Variants in VPS41 observed in about 807,000 individuals in gnomAD.
VPS41 encodes the protein VPS41 subunit of HOPS complex.
VPS41 carries 85 observed loss-of-function variants against 130.9 expected under a neutral mutation model. The observed-to-expected ratio is 0.65, with a 90% CI of 0.55 to 0.78. VPS41 has a LOEUF of 0.78. Ranked by LOEUF, VPS41 falls within the 30% of genes least tolerant of loss-of-function variation. The probability of loss-of-function intolerance (pLI) is 0.00; values close to 1 mark genes in which losing one functional copy is unlikely to be tolerated. For missense variants in VPS41, 874 were observed against 1,018.7 expected (o/e 0.86, Z 1.93); for synonymous variants, 335 against 332.9 (o/e 1.01, Z -0.07).
rs181769085 is a variant in VPS41 at position 38,774,248 on chromosome 7, G to T, written c.883-4C>A. ...GCCTGGCACAGTATTCTCTTTCCTAGTGGGGGAAAAGAGAGAAACATTAAT... is the reference window on the plus strand; with the variant it reads ...GCCTGGCACAGTATTCTCTTTCCTATTGGGGGAAAAGAGAGAAACATTAAT... On this transcript the variant is annotated splice_region_variant and splice_polypyrimidine_tract_variant and intron_variant, in intron 11 of 28. Coordinates refer to ENST00000310301, the MANE Select transcript of VPS41 (RefSeq NM_014396.4). The T allele has an allele frequency of 2.4e-5, 38 of 1,566,828 alleles. No homozygotes were observed. Among genetic ancestry groups the T allele is most frequent in the Admixed American group, 1.7e-4 (9 of 54,500 alleles).
Position 38,827,079 on chromosome 7 carries a change from A to G in VPS41, c.321+3175T>C, listed in dbSNP as rs147730721. Among the ~76,000 whole-genome samples, 124 of 152,278 alleles carry G rather than the reference A, an allele frequency of 8.1e-4. 1 individual carries two copies. The highest frequency in any genetic ancestry group is 2.8e-3 in the African/African-American group (117 of 41,558). On this transcript the variant is annotated intron_variant, in intron 5 of 28. Transcript: ENST00000310301. ...GTGATCTGCCCGCTTCGGCCTCCCA[A>G]AGTGCTGGGATTACAGGCGTGAGCC...
chr7:38,877,462 G>C (rs1451863263), intron 2 of VPS41, among the ~76,000 whole-genome samples: 1 of 152,118 alleles, frequency 6.6e-6, no homozygotes, highest in Non-Finnish European at 1.5e-5. Context: ...TCTAGCAGTA[G>C]AAGCAAATAG....
chr7:38,906,558 C>T (rs961133378), intron 1 of VPS41, among the ~76,000 whole-genome samples: 3 of 152,090 alleles, frequency 2.0e-5, no homozygotes, highest in African/African-American at 7.2e-5. Context: ...AGGCTCGTCT[C>T]GAACTCCTGG....
chr7:38,738,314 G>A (rs1795813644), intron 25 of VPS41, among the ~76,000 whole-genome samples: 1 of 152,196 alleles, frequency 6.6e-6, no homozygotes, highest in Admixed American at 6.5e-5. Context: ...GAGGATCTGT[G>A]ATCTGTGTTC....
At chr7:38,896,050 T>C (rs1024753589) in intron 2 of VPS41, among the ~76,000 whole-genome samples, 10 of 152,214 alleles carry the variant, frequency 6.6e-5, no homozygotes, top group Non-Finnish European at 1.3e-4. Context: ...AAGTTTGTAT[T>C]ACTCCCCATT....
chr7:38,821,007 C>T (rs1785160698), intron 6 of VPS41, among the ~76,000 whole-genome samples, 196 bp downstream of exon 6: 1 of 152,018 alleles, frequency 6.6e-6, no homozygotes, highest in Non-Finnish European at 1.5e-5. Context: ...CCCCTGAAGA[C>T]AGACTGAGAT....
At chr7:38,846,851 T>C (rs1477176885) in intron 4 of VPS41, among the ~76,000 whole-genome samples, 1 of 152,078 alleles carries the variant, frequency 6.6e-6, no homozygotes, top group African/African-American at 2.4e-5. Flanking sequence ...AGGCAGATGA[T>C]GGAGGATAAA....
chr7:38,864,801 T>C (rs1016893584), intron 3 of VPS41, among the ~76,000 whole-genome samples: 1 of 151,972 alleles, frequency 6.6e-6, no homozygotes, highest in Non-Finnish European at 1.5e-5. Flanking sequence ...AAATTCAAGA[T>C]GGGCAAAGAA....
At chr7:38,736,422 A>G (rs1414582759) in intron 25 of VPS41, among the ~76,000 whole-genome samples, 1 of 152,268 alleles carries the variant, frequency 6.6e-6, no homozygotes, top group Non-Finnish European at 1.5e-5. Flanking sequence ...GCCAAGCTCC[A>G]GAAAGCTGAA....
At chr7:38,877,748 T>C (rs1189705820) in intron 2 of VPS41, among the ~76,000 whole-genome samples, 1 of 152,166 alleles carries the variant, frequency 6.6e-6, no homozygotes, top group Non-Finnish European at 1.5e-5. Context: ...ATTAAAATGA[T>C]TACCAAAATC....
chr7:38,786,019 A>T (rs553967456), intron 10 of VPS41, among the ~76,000 whole-genome samples: 1 of 152,360 alleles, frequency 6.6e-6, no homozygotes, highest in African/African-American at 2.4e-5. Flanking sequence ...AAAGGTGAGC[A>T]GCTATCATCA....
intron 25 of VPS41, chr7:38,741,398 A>T (rs531214264): frequency 3.4e-6 from 1 of 296,578 alleles, no homozygotes; most frequent in Non-Finnish European, 6.7e-6. Flanking sequence ...TAATTAGTAT[A>T]ATAATTTATA....
intron 22 of VPS41, among the ~76,000 whole-genome samples, chr7:38,751,764 A>G (rs1016015110): frequency 6.6e-6 from 1 of 152,208 alleles, no homozygotes; most frequent in African/African-American, 2.4e-5. Context: ...CTATGACCTC[A>G]GTTTATCAAA....
At chr7:38,789,423 CT>C (rs1489099761) in intron 10 of VPS41, among the ~76,000 whole-genome samples, 35 of 151,984 alleles carry the variant, frequency 2.3e-4, no homozygotes, top group Non-Finnish European at 2.9e-5. Context: ...AAATACTGTG[CT>C]AGACAAGGGG....
intron 2 of VPS41, among the ~76,000 whole-genome samples, chr7:38,883,416 C>T (rs1230255698): frequency 2.0e-5 from 3 of 152,134 alleles, no homozygotes; most frequent in Non-Finnish European, 4.4e-5. Context: ...GTTTGCTCTT[C>T]CTTTTACCTA....
intron 7 of VPS41, among the ~76,000 whole-genome samples, chr7:38,797,307 C>T (rs1022567664): frequency 3.9e-5 from 6 of 152,104 alleles, no homozygotes; most frequent in Non-Finnish European, 8.8e-5. Context: ...CTATGTTTTT[C>T]ATTTGACTCA....
At chr7:38,892,154 C>T (rs1429032735) in intron 2 of VPS41, among the ~76,000 whole-genome samples, 1 of 151,742 alleles carries the variant, frequency 6.6e-6, no homozygotes. Flanking sequence ...AGAGAAAATT[C>T]CAAAGATTTT....
rs537218593 is a variant in VPS41 at position 38,724,594 on chromosome 7, C to G, written c.*1652G>C. The G allele has an allele frequency of 4.5e-4, 58 of 129,852 alleles. No individual in the cohort carries two copies. The highest frequency in any genetic ancestry group is 2.0e-3 in the African/African-American group (56 of 28,716). 8.0% of individuals were successfully genotyped at this position (129,852 alleles called of 1,614,324 possible). A position where few individuals can be genotyped will look rare whatever the true frequency, so the allele number is the denominator to read the frequency against. On this transcript the variant is annotated 3_prime_UTR_variant, in exon 29 of 29. Coordinates refer to ENST00000310301, the MANE Select transcript of VPS41 (RefSeq NM_014396.4). ...TGAACTTGGCCCTATGATTTCTTTT[C>G]TTTTCTTTTCTTTTTTGAGACGGAG...
At chr7:38,789,172 C>T (rs1313629188) in intron 10 of VPS41, among the ~76,000 whole-genome samples, 1 of 152,100 alleles carries the variant, frequency 6.6e-6, no homozygotes, top group Non-Finnish European at 1.5e-5. Flanking sequence ...AGTATTGTGC[C>T]AGGTCCTCAA....
Sources: allele counts gnomAD v4.1 joint callset (sites outside exome capture counted in the v4.1 genomes callset), GRCh38; gene constraint gnomAD v4.1.1; transcripts MANE v1.5; gene names NCBI Gene and HGNC (gene_info 2026-07-23, HGNC 2026-07-21).